Variants in LETM2 observed in about 807,000 individuals in gnomAD.
LETM2 encodes the protein leucine zipper and EF-hand containing transmembrane protein 2.
LETM2 carries 58 observed loss-of-function variants against 59.6 expected under a neutral mutation model. The observed-to-expected ratio is 0.97, with a 90% CI of 0.79 to 1.21. The LOEUF is 1.21. Ranked by LOEUF, LETM2 falls within the 50% of genes most tolerant of loss-of-function variation. The pLI is 0.00. For synonymous variants in LETM2, 199 were observed against 214.1 expected, an observed-to-expected ratio of 0.93 and a Z score of 0.62; for missense variants, 572 against 575.7, an observed-to-expected ratio of 0.99 and a Z score of 0.07.
intron 2 of LETM2, among the ~76,000 whole-genome samples, chr8:38,390,855 G>C (rs959618868): frequency 2.7e-5 from 4 of 150,708 alleles, no homozygotes; most frequent in African/African-American, 4.9e-5. Context: ...GCTAATTTTT[G>C]TATTTTTGGT....
chr8:38,396,321 AC>A (rs1051380951), intron 4 of LETM2, among the ~76,000 whole-genome samples: 1 of 151,754 alleles, frequency 6.6e-6, no homozygotes, highest in Non-Finnish European at 1.5e-5. Flanking sequence ...GTGCCACTAC[AC>A]CCAGCTAATT....
At position 38,408,501 on chromosome 8, in the gene LETM2, C is replaced by T. The variant is rs1563403437; in HGVS notation, c.*227C>T. ...TTGCAAAGTCCCATTTCCTCTGTACCATTGTCACCCCACTCAACTTTGTAT... is the reference window on the plus strand; with the variant it reads ...TTGCAAAGTCCCATTTCCTCTGTACTATTGTCACCCCACTCAACTTTGTAT... On this transcript the variant is annotated 3_prime_UTR_variant, in exon 11 of 11. Transcript: ENST00000379957. 4.3e-6 allele frequency: 2 copies of T among 463,642 alleles called. No individual in the cohort carries two copies. Among genetic ancestry groups the T allele is most frequent in the Non-Finnish European group, 7.9e-6 (2 of 254,322 alleles). The allele number at this position is 463,642 out of a possible 1,614,324, so 28.7% of individuals were successfully genotyped here. A position where few individuals can be genotyped will look rare whatever the true frequency, so the allele number is the denominator to read the frequency against.
chr8:38,404,464 A>C lies in LETM2; in HGVS notation c.1176A>C (p.Ile392=), dbSNP rs1198241143. 6.2e-7 allele frequency: 1 copy of C among 1,614,048 alleles called. No homozygotes were observed. Residue 392 remains isoleucine, a synonymous_variant, in exon 8 of 11, where the codon ATA becomes ATC. Coordinates refer to ENST00000379957, the MANE Select transcript of LETM2 (RefSeq NM_001286819.2). The stretch of plus-strand genomic sequence containing the variant: ...TCCTGTCCCGCACCTTCTACCTGAT[A>C]GATGTGAAGCCCAAGCCGATTGAGA... ...LLLLSRTFYL[I]DVKPKPIEIP...
At chr8:38,394,071 A>G in intron 3 of LETM2, 27 bp from the exon 4 acceptor site, 1 of 1,406,542 alleles carries the variant, frequency 7.1e-7, no homozygotes, top group Non-Finnish European at 9.2e-7. Flanking sequence ...AAAATAATGA[A>G]TATTGCATAT....
chr8:38,393,152 C>G, intron 3 of LETM2, 157 bp downstream of exon 3: 2 of 631,872 alleles, frequency 3.2e-6, no homozygotes, highest in Non-Finnish European at 5.4e-6. Flanking sequence ...AACCGACTTA[C>G]TGTACAACTT....
In LETM2 at chr8:38,408,287, G is replaced by A; in HGVS notation, c.*13G>A. ...AAAAGGAGCATAAAGGACTACTTGA[G>A]GATGGAGCTCACTCTCTTCAGCTTC... On this transcript the variant is annotated 3_prime_UTR_variant, in exon 11 of 11. Coordinates refer to ENST00000379957, the MANE Select transcript of LETM2 (RefSeq NM_001286819.2). 2 of 1,606,042 alleles carry A rather than the reference G, an allele frequency of 1.2e-6. No homozygotes were observed. The highest frequency in any genetic ancestry group is 2.2e-5 in the East Asian group (1 of 44,842).
In LETM2 at chr8:38,404,388, TC is replaced by T; in HGVS notation, c.1105-3del. The stretch of plus-strand genomic sequence containing the variant: ...CTCACGTGTTGTTCCCCTCCCGTTC[TC>T]CAGTGGCAGGACCTCCACCTGAAGG... On this transcript the variant is annotated splice_polypyrimidine_tract_variant and splice_region_variant and intron_variant, in intron 7 of 10. Transcript: ENST00000379957. 6.3e-7 allele frequency: 1 copy of T among 1,597,142 alleles called. No individual in the cohort carries two copies.
intron 2 of LETM2, among the ~76,000 whole-genome samples, chr8:38,390,235 C>T (rs983486541): frequency 1.3e-5 from 2 of 151,860 alleles, no homozygotes; most frequent in Non-Finnish European, 2.9e-5. Context: ...GTAATCTCAG[C>T]TCCTTGGGAG....
intron 6 of LETM2, 62 bp downstream of exon 6, chr8:38,401,115 T>C (rs1433885881): frequency 4.5e-6 from 6 of 1,331,212 alleles, no homozygotes; most frequent in Admixed American, 1.8e-5. Flanking sequence ...TTAGGGTGCC[T>C]GTGGGATGAA....
At chr8:38,407,331 A>G (rs376756907) in intron 9 of LETM2, 31 bp from the exon 10 acceptor site, 71 of 1,478,424 alleles carry the variant, frequency 4.8e-5, no homozygotes, top group Non-Finnish European at 6.5e-5. Context: ...CTTTTAAATC[A>G]GTAACCCAAC....
intron 8 of LETM2, chr8:38,406,523 G>C (rs1813732461): frequency 6.4e-6 from 1 of 155,314 alleles, no homozygotes. Context: ...AGAATTGCTT[G>C]AACCCATGAG....
At chr8:38,397,444 C>A (rs546545242) in intron 4 of LETM2, among the ~76,000 whole-genome samples, 48 of 152,272 alleles carry the variant, frequency 3.2e-4, no homozygotes, top group African/African-American at 1.1e-3. Context: ...TTACCATGGT[C>A]TGGGAAAGGT....
chr8:38,393,446 A>T (rs1428524404), intron 3 of LETM2: 1 of 163,248 alleles, frequency 6.1e-6, no homozygotes, highest in African/African-American at 2.4e-5. Flanking sequence ...GGAGTTCAAG[A>T]CCAGACTGGC....
At chr8:38,406,694 T>G in intron 8 of LETM2, 1 of 376,080 alleles carries the variant, frequency 2.7e-6, no homozygotes, top group South Asian at 8.0e-5. Flanking sequence ...TGCTAATGAT[T>G]ATTTTAAATG....
At chr8:38,399,988 G>A (rs7816998) in intron 4 of LETM2, among the ~76,000 whole-genome samples, 29,750 of 151,952 alleles carry the variant, frequency 0.2, 3,175 homozygotes, top group East Asian at 0.31. Context: ...ATAGTATCTC[G>A]TGCTAAATAA....
intron 10 of LETM2, 121 bp downstream of exon 10, chr8:38,407,584 C>A: frequency 1.5e-6 from 1 of 686,674 alleles, no homozygotes; most frequent in Non-Finnish European, 2.4e-6. Context: ...TCCTGTTGTC[C>A]AAACAGGAAA....
At chr8:38,404,257 G>C (rs1328972737) in intron 7 of LETM2, 136 bp from the exon 8 acceptor site, 2 of 632,648 alleles carry the variant, frequency 3.2e-6, no homozygotes, top group Admixed American at 2.7e-5. Context: ...GTGTTCTGCC[G>C]TGACTCATCA....
upstream of LETM2, chr8:38,382,939 C>A (rs1004386183): frequency 6.6e-6 from 1 of 152,176 alleles, no homozygotes; most frequent in Non-Finnish European, 1.5e-5. The surrounding 1 kb of genome is among the most constrained non-coding windows in gnomAD (Gnocchi z 4.2). Flanking sequence ...GCCGGCTCGC[C>A]GAGGGAGCGC....
Position 38,392,994 on chromosome 8 carries a change from G to T in LETM2, c.500G>T (p.Arg167Met), listed in dbSNP as rs1167899107. 6.3e-7 allele frequency: 1 copy of T among 1,584,572 alleles called. No individual in the cohort carries two copies. The highest frequency in any genetic ancestry group is 1.8e-5 in the Admixed American group (1 of 56,800). Reference sequence around the variant, plus strand: ...GTCCTGACCAGACGAGAGAGACGAAGGGTAGGCAAGAATCATATTTGAGAA... The same window carrying T: ...GTCCTGACCAGACGAGAGAGACGAATGGTAGGCAAGAATCATATTTGAGAA... The part of the protein sequence containing the change: ...GQVLTRRERR[R>M]LLRTCVDFFR... Residue 167 changes from arginine (R) to methionine (M), a missense_variant and splice_region_variant, in exon 3 of 11, where the codon AGG becomes ATG. Transcript: ENST00000379957.
Sources: gnomAD v4.1 joint callset for allele counts (sites outside exome capture counted in the v4.1 genomes callset) on GRCh38, gnomAD v4.1.1 for gene constraint, Gnocchi (gnomAD v3.1) non-coding constraint, MANE v1.5 for transcripts, NCBI Gene and HGNC (gene_info 2026-07-23, HGNC 2026-07-21) for gene names.